The following RIPOR2 variants were observed in gnomAD, a reference collection of about 807,000 sequenced individuals.
The protein encoded by RIPOR2 is rho family-interacting cell polarization regulator 2.
A neutral mutation model predicts 114.5 loss-of-function variants in RIPOR2; 39 were observed. That is an observed-to-expected ratio of 0.34 (90% CI 0.26 to 0.44). The LOEUF (loss-of-function observed/expected upper bound fraction) is 0.44. Among genes scored for constraint, RIPOR2 ranks in the 20% least tolerant of loss-of-function variants. RIPOR2 has a pLI of 1.00. For missense variants in RIPOR2, 1,007 were observed against 1,255.1 expected (o/e 0.80, Z 2.99); for synonymous variants, 445 against 484.4 (o/e 0.92, Z 1.07).
At chr6:24,855,255 A>T (rs556531347) in intron 8 of RIPOR2, among the ~76,000 whole-genome samples, 1 of 152,306 alleles carries the variant, frequency 6.6e-6, no homozygotes, top group South Asian at 2.1e-4. Context: ...TACAGAAAAA[A>T]GATGTAAAAA....
intron 1 of RIPOR2, among the ~76,000 whole-genome samples, chr6:25,030,258 T>C (rs1776858407): frequency 6.6e-6 from 1 of 152,178 alleles, no homozygotes; most frequent in Non-Finnish European, 1.5e-5. Context: ...TTCTGAATCA[T>C]AATCATTTAC....
chr6:24,931,292 T>TTG (rs1044105575), intron 1 of RIPOR2, among the ~76,000 whole-genome samples: 96 of 151,764 alleles, frequency 6.3e-4, no homozygotes, highest in Middle Eastern at 3.4e-3. Context: ...ACAATTCTTT[T>TTG]TGTGTGTGTG....
intron 8 of RIPOR2, among the ~76,000 whole-genome samples, chr6:24,853,085 A>G (rs1251592906): frequency 2.6e-5 from 4 of 152,144 alleles, no homozygotes; most frequent in Admixed American, 6.5e-5. Flanking sequence ...CTGCCCCCCA[A>G]TTTACTCATT....
At chr6:25,030,098 G>A (rs10946743) in intron 1 of RIPOR2, among the ~76,000 whole-genome samples, 65,734 of 151,430 alleles carry the variant, frequency 0.43, 16,467 homozygotes, top group Non-Finnish European at 0.57. Context: ...TCCCATCCTT[G>A]TTCTTCTGTA....
At chr6:24,967,333 T>A (rs9467368) in intron 1 of RIPOR2, among the ~76,000 whole-genome samples, 11,923 of 152,252 alleles carry the variant, frequency 0.078, 995 homozygotes, top group African/African-American at 0.21. Context: ...TTGGGGGAAG[T>A]TTGGTCCAAG....
chr6:24,949,322 C>T (rs974805526), intron 1 of RIPOR2, among the ~76,000 whole-genome samples: 6 of 152,196 alleles, frequency 3.9e-5, no homozygotes, highest in African/African-American at 1.4e-4. Flanking sequence ...AAACCCAGAA[C>T]TCAAACCTCA....
At chr6:24,982,635 C>T (rs1031572769) in intron 1 of RIPOR2, among the ~76,000 whole-genome samples, 1 of 152,120 alleles carries the variant, frequency 6.6e-6, no homozygotes, top group African/African-American at 2.4e-5. Context: ...AAGTAGTTGG[C>T]TTATGTGCCT....
chr6:25,005,904 G>T (rs1775544104), intron 1 of RIPOR2, among the ~76,000 whole-genome samples: 1 of 151,484 alleles, frequency 6.6e-6, no homozygotes, highest in Non-Finnish European at 1.5e-5. Flanking sequence ...AGTGTTCTCA[G>T]ATGATGAAAG....
intron 1 of RIPOR2, among the ~76,000 whole-genome samples, chr6:24,905,327 A>C (rs1380713247): frequency 2.0e-5 from 3 of 152,042 alleles, no homozygotes. Context: ...GGTGTCCATC[A>C]CCTCAGCTTC....
At chr6:25,041,041 A>AT (rs1174994233) in intron 1 of RIPOR2, among the ~76,000 whole-genome samples, 30 of 152,322 alleles carry the variant, frequency 2.0e-4, no homozygotes, top group African/African-American at 6.7e-4. Context: ...GCTACCTCAT[A>AT]TTGAGGCCAA....
chr6:24,918,827 C>T (rs2114098873), intron 1 of RIPOR2, among the ~76,000 whole-genome samples: 1 of 152,296 alleles, frequency 6.6e-6, no homozygotes, highest in South Asian at 2.1e-4. Flanking sequence ...TTCTCTCATA[C>T]TCCTGCTCCT....
chr6:24,961,317 A>G (rs1773296460), intron 1 of RIPOR2, among the ~76,000 whole-genome samples: 1 of 152,108 alleles, frequency 6.6e-6, no homozygotes, highest in African/African-American at 2.4e-5. Flanking sequence ...AGGTTGGGGG[A>G]ACATTGTGTG....
intron 1 of RIPOR2, among the ~76,000 whole-genome samples, chr6:24,948,998 G>C (rs1772608367): frequency 6.6e-6 from 1 of 152,044 alleles, no homozygotes; most frequent in Non-Finnish European, 1.5e-5. Context: ...CTTCTCTTAG[G>C]TGTCAAAAAC....
At chr6:24,825,475 T>A in intron 18 of RIPOR2, 47 bp from the exon 19 acceptor site, 1 of 1,322,940 alleles carries the variant, frequency 7.6e-7, no homozygotes, top group Non-Finnish European at 1.1e-6. Flanking sequence ...CATGCTAAAG[T>A]AATCAGCTCA....
At position 25,030,115 on chromosome 6, in the gene RIPOR2, T is replaced by C. The variant is rs1029425698; in HGVS notation, c.76+11736A>G. ...CCATCCTTGTTCTTCTGTATCCTCC[T>C]ACCTCTGCTTGTCTGTGTCAGCCTG... On this transcript the variant is annotated intron_variant, in intron 1 of 13. Coordinates refer to the RIPOR2 transcript ENST00000510784. Among the ~76,000 whole-genome samples, 5 of 151,984 alleles carry C rather than the reference T, an allele frequency of 3.3e-5. 1 individual carries two copies. Among genetic ancestry groups the C allele is most frequent in the Non-Finnish European group, 7.4e-5 (5 of 68,010 alleles).
intron 5 of RIPOR2, among the ~76,000 whole-genome samples, chr6:24,870,326 AC>A (rs1211032694): frequency 6.6e-6 from 1 of 152,226 alleles, no homozygotes; most frequent in Non-Finnish European, 1.5e-5. Flanking sequence ...AAACACTACA[AC>A]CCAGTGGCAT....
chr6:24,835,219 G>C (rs1176451209), intron 15 of RIPOR2, among the ~76,000 whole-genome samples: 2 of 152,218 alleles, frequency 1.3e-5, no homozygotes, highest in African/African-American at 4.8e-5. Context: ...ATGGCCTAGA[G>C]AATTATATCT....
intron 1 of RIPOR2, among the ~76,000 whole-genome samples, chr6:24,892,412 C>T (rs960085263): frequency 5.9e-5 from 9 of 152,218 alleles, no homozygotes; most frequent in African/African-American, 2.2e-4. Context: ...TGCATCATTC[C>T]GTATGCTCAC....
intron 15 of RIPOR2, among the ~76,000 whole-genome samples, chr6:24,832,688 C>T (rs1410151941): frequency 6.6e-6 from 1 of 152,046 alleles, no homozygotes; most frequent in Non-Finnish European, 1.5e-5. Flanking sequence ...TCTGATCTTC[C>T]CCTTTGAAAC....
Sources: allele counts gnomAD v4.1 joint callset (sites outside exome capture counted in the v4.1 genomes callset), GRCh38; gene constraint gnomAD v4.1.1; transcripts MANE v1.5; gene names NCBI Gene and HGNC (gene_info 2026-07-23, HGNC 2026-07-21).